ZBTB25: variants seen among roughly 807,000 people sequenced by gnomAD.
ZBTB25 encodes the protein zinc finger and BTB domain containing 25, also known as zinc finger and BTB domain-containing protein 25.
In ZBTB25, 20 loss-of-function variants were observed where a neutral mutation model predicts 34.2. The ratio of observed to expected loss-of-function variants is 0.58; its 90% CI spans 0.41 to 0.85. ZBTB25 has a LOEUF of 0.85. Among genes scored for constraint, ZBTB25 ranks in the 40% least tolerant of loss-of-function variants. ZBTB25 has a pLI of 0.00. For synonymous variants in ZBTB25, 175 were observed against 186.4 expected (o/e 0.94, Z 0.50); for missense variants, 437 against 521.8 (o/e 0.84, Z 1.58).
chr14:64,463,247 CA>C (rs2078573624), intron 2 of ZBTB25: 1 of 152,244 alleles, frequency 6.6e-6, no homozygotes, highest in African/African-American at 2.4e-5. Context: ...CACACACACA[CA>C]CACACACACA....
At chr14:64,476,493 TTC>T (rs1451331471), downstream of ZBTB25, among the ~76,000 whole-genome samples, 3 of 140,094 alleles carry the variant, frequency 2.1e-5, no homozygotes, top group Non-Finnish European at 4.9e-5. Context: ...GCTAATTTTT[TTC>T]TCTTTTTAGG....
intron 2 of ZBTB25, among the ~76,000 whole-genome samples, chr14:64,456,932 G>A (rs1945828580): frequency 1.3e-5 from 2 of 152,092 alleles, no homozygotes; most frequent in African/African-American, 2.4e-5. Context: ...GAACTTGTGT[G>A]TATTCATTAT....
chr14:64,458,320 T>G, intron 2 of ZBTB25: 1 of 1,582,204 alleles, frequency 6.3e-7, no homozygotes, highest in Non-Finnish European at 8.7e-7. Context: ...AAGTTGTTAC[T>G]GGGTAATAAT....
intron 2 of ZBTB25, among the ~76,000 whole-genome samples, chr14:64,464,008 T>A (rs1276001647): frequency 1.3e-5 from 2 of 152,050 alleles, no homozygotes. Context: ...TCGATAGACG[T>A]GTTTGCTGAG....
upstream of ZBTB25, chr14:64,505,048 T>C: frequency 2.7e-6 from 1 of 375,866 alleles, no homozygotes; most frequent in Non-Finnish European, 4.7e-6. Flanking sequence ...GGGGCGCCGA[T>C]CCGTGCGGGG....
At chr14:64,458,960 A>G (rs1379864753) in intron 2 of ZBTB25, among the ~76,000 whole-genome samples, 1 of 152,252 alleles carries the variant, frequency 6.6e-6, no homozygotes, top group Non-Finnish European at 1.5e-5. Flanking sequence ...AATATCAAAC[A>G]TGAAAATCCT....
chr14:64,485,067 C>G lies in ZBTB25; in HGVS notation c.*1856G>C. ...TTTACTCACTTGTTTAAGGCAGAAA[C>G]TCAACTGCCTTACACAATATCCAGT... is the stretch of plus-strand genomic sequence containing the variant. On this transcript the variant is annotated 3_prime_UTR_variant, in exon 3 of 3. Coordinates refer to ENST00000608382, the MANE Select transcript of ZBTB25 (RefSeq NM_006977.5). 1 of 985,452 alleles carries G rather than the reference C, an allele frequency of 1.0e-6. No individual in the cohort carries two copies. The highest frequency in any genetic ancestry group is 1.2e-6 in the Non-Finnish European group (1 of 829,934). 61.0% of individuals were successfully genotyped at this position (985,452 alleles called of 1,614,324 possible).
chr14:64,504,091 G>C (rs1033056346), upstream of ZBTB25: 8 of 152,500 alleles, frequency 5.2e-5, no homozygotes, highest in South Asian at 1.7e-3. Context: ...CTGGGGTGAA[G>C]GTGGGGGTGG....
chr14:64,469,563 C>T, intron 2 of ZBTB25: 3 of 1,613,782 alleles, frequency 1.9e-6, no homozygotes, highest in Non-Finnish European at 2.5e-6. Context: ...CAATATGAAA[C>T]ACTCTTAATT....
intron 2 of ZBTB25, among the ~76,000 whole-genome samples, chr14:64,489,463 T>C (rs1028332828): frequency 1.6e-4 from 24 of 152,108 alleles, no homozygotes; most frequent in Non-Finnish European, 1.8e-4. Context: ...AGCAGTAGAA[T>C]TTACATTATA....
intron 2 of ZBTB25, among the ~76,000 whole-genome samples, chr14:64,456,577 T>C (rs1304841606): frequency 1.3e-5 from 2 of 152,204 alleles, no homozygotes; most frequent in Non-Finnish European, 2.9e-5. Context: ...GGTTTTCTGC[T>C]GACATGCACA....
chr14:64,504,102 G>A (rs2079592506), upstream of ZBTB25: 2 of 152,396 alleles, frequency 1.3e-5, no homozygotes, highest in South Asian at 4.1e-4. Flanking sequence ...GTGGGGGTGG[G>A]GAAGGATGCG....
downstream of ZBTB25, among the ~76,000 whole-genome samples, chr14:64,477,758 A>G (rs529571824): frequency 6.6e-6 from 1 of 152,368 alleles, no homozygotes; most frequent in South Asian, 2.1e-4. Context: ...GTTTGGACTA[A>G]GTTTCACATG....
chr14:64,483,316 C>T lies in ZBTB25; in HGVS notation c.*3607G>A, dbSNP rs1435274011. 1 of 151,948 alleles carries T rather than the reference C, an allele frequency of 6.6e-6. No homozygotes were observed. Among genetic ancestry groups the T allele is most frequent in the Non-Finnish European group, 1.5e-5 (1 of 68,086 alleles). 9.4% of individuals were successfully genotyped at this position (151,948 alleles called of 1,614,324 possible). ...TTTTTGAGATGGAGTCTCGCTCTGT[C>T]ACCCAGGCTGGAGTGCAGTGGTGCG... On this transcript the variant is annotated 3_prime_UTR_variant, in exon 3 of 3. Coordinates refer to ENST00000608382, the MANE Select transcript of ZBTB25 (RefSeq NM_006977.5).
Position 64,482,017 on chromosome 14 carries a change from A to G in ZBTB25, c.*4906T>C, listed in dbSNP as rs1009377024. On this transcript the variant is annotated 3_prime_UTR_variant, in exon 3 of 3. Coordinates refer to ENST00000608382, the MANE Select transcript of ZBTB25 (RefSeq NM_006977.5). ...GTGCCTGTACAAATAAATGTTAACGAAATTACACATTTTTCACACTATCTT... is the reference window on the plus strand; with the variant it reads ...GTGCCTGTACAAATAAATGTTAACGGAATTACACATTTTTCACACTATCTT... The G allele has an allele frequency of 2.6e-5, 4 of 152,226 alleles. No homozygotes were observed. The East Asian group carries it at 5.8e-4, about 22-fold the overall frequency. 9.4% of individuals were successfully genotyped at this position (152,226 alleles called of 1,614,324 possible).
rs1482568693 is a variant in ZBTB25 at position 64,468,335 on chromosome 14, C to CA, written c.174-18698dup. The CA allele has an allele frequency of 1.3e-5, 19 of 1,465,584 alleles. No individual in the cohort carries two copies. The African/African-American group carries it at 2.7e-4, about 21-fold the overall frequency. 90.8% of individuals were successfully genotyped at this position (1,465,584 alleles called of 1,614,324 possible). On this transcript the variant is annotated intron_variant, in intron 2 of 2. Transcript: ENST00000555220. ...GACATTTTTGCTCATCTTTTTGTCA[C>CA]AAAAGGCTGCTAAGGAAGAGAGAAT...
chr14:64,449,571 C>T, exon 3 of ZBTB25: 1 of 1,614,184 alleles, frequency 6.2e-7, no homozygotes, highest in Admixed American at 1.7e-5. Context: ...CTCAGGCCGT[C>T]CAGAGAGCAG....
chr14:64,465,806 C>G (rs1447119799), intron 2 of ZBTB25, among the ~76,000 whole-genome samples: 1 of 152,184 alleles, frequency 6.6e-6, no homozygotes, highest in African/African-American at 2.4e-5. Flanking sequence ...ATCAGGTCTG[C>G]CCACCTATCC....
intron 2 of ZBTB25, chr14:64,458,544 A>T (rs1029309680): frequency 3.7e-6 from 2 of 534,760 alleles, no homozygotes; most frequent in Non-Finnish European, 3.4e-6. Context: ...ACAGGTTGAC[A>T]GTGTAGGGGA....
Sources: gnomAD v4.1 joint callset for allele counts (sites outside exome capture counted in the v4.1 genomes callset) on GRCh38, gnomAD v4.1.1 for gene constraint, MANE v1.5 for transcripts, NCBI Gene and HGNC (gene_info 2026-07-23, HGNC 2026-07-21) for gene names.